DLG5: variants seen among roughly 807,000 people sequenced by gnomAD.
DLG5 encodes discs large MAGUK scaffold protein 5.
DLG5 carries 48 observed loss-of-function variants against 189.8 expected under a neutral mutation model. That is an observed-to-expected ratio of 0.25 (90% confidence interval 0.20 to 0.32). The LOEUF (loss-of-function observed/expected upper bound fraction) is 0.32, where lower values mean the gene tolerates loss of function less well. DLG5 is among the 10% of genes least tolerant of loss of function. DLG5 has a pLI of 1.00. For missense variants in DLG5, 2,160 were observed against 2,544.7 expected, an observed-to-expected ratio of 0.85 and a Z score of 3.25; for synonymous variants, 1,016 against 1,054.1, an observed-to-expected ratio of 0.96 and a Z score of 0.70.
chr10:77,934,371 CAAAAA>C, the DLG5 span, among the ~76,000 whole-genome samples: 13 of 96,312 alleles, frequency 1.3e-4, no homozygotes, highest in African/African-American at 4.2e-5. Flanking sequence ...AACTCCATCT[CAAAAA>C]AAAAAAAAAA....
chr10:77,905,765 T>A (rs1299805550), intron 1 of DLG5, among the ~76,000 whole-genome samples: 1 of 152,180 alleles, frequency 6.6e-6, no homozygotes, highest in Non-Finnish European at 1.5e-5. Context: ...ATTTATTTCC[T>A]CTTCTCTCTC....
chr10:77,922,676 G>A (rs1160446774), intron 1 of DLG5, among the ~76,000 whole-genome samples: 1 of 152,086 alleles, frequency 6.6e-6, no homozygotes, highest in Non-Finnish European at 1.5e-5. Flanking sequence ...TACAGACAGG[G>A]CCCTGGAACC....
In DLG5 at chr10:77,856,879, C is replaced by T. The variant is rs1844261181; in HGVS notation, c.387G>A (p.Lys129=). 1 of 1,611,226 alleles carries T rather than the reference C, an allele frequency of 6.2e-7. No homozygotes were observed. The highest frequency in any genetic ancestry group is 8.5e-7 in the Non-Finnish European group (1 of 1,179,522). ...TGAGGAGGGGTGGTGGGGACGGCGC[C>T]TTCCCGGTAGTGCCTGTGGAAGGGG... ...SSLSSVGTTG[K]APSPPPLLTD... is the part of the protein sequence containing the mutation. The change falls in exon 3 of 32, where the codon AAG becomes AAA. Residue 129 remains lysine, a synonymous_variant. Coordinates refer to ENST00000372391, the MANE Select transcript of DLG5 (RefSeq NM_004747.4).
intron 1 of DLG5, among the ~76,000 whole-genome samples, chr10:77,894,732 C>T (rs1417262174): frequency 6.6e-6 from 1 of 151,930 alleles, no homozygotes; most frequent in Non-Finnish European, 1.5e-5. Context: ...CCCAGCGTAC[C>T]CCTTCCCCAC....
chr10:77,820,956 G>C, intron 15 of DLG5, 126 bp downstream of exon 15: 2 of 1,325,108 alleles, frequency 1.5e-6, no homozygotes, highest in Non-Finnish European at 2.0e-6. Flanking sequence ...GAGTCCAACA[G>C]CAAAGGCAAA....
chr10:77,871,536 C>CTTTTTTTTTTTTTTTTTT lies in DLG5; in HGVS notation c.305-2357_305-2340dup, dbSNP rs34326711. On this transcript the variant is annotated intron_variant, in intron 1 of 31. Transcript: ENST00000372391. ...CTCAACAAAAACAATAAGCATCACACTTTTTTTTTTTTTTTTTTTTTTTTG... is the reference window on the plus strand; with the variant it reads ...CTCAACAAAAACAATAAGCATCACACTTTTTTTTTTTTTTTTTTTTTTTTTTTTTTTTTTTTTTTTTTG... Among the ~76,000 whole-genome samples, 2 of 83,886 alleles carry CTTTTTTTTTTTTTTTTTT rather than the reference C, an allele frequency of 2.4e-5. 1 individual carries two copies. The highest frequency in any genetic ancestry group is 4.2e-5 in the Non-Finnish European group (2 of 47,384). 55.0% of individuals were successfully genotyped at this position (83,886 alleles called of 152,430 possible). A position where few individuals can be genotyped will look rare whatever the true frequency, so the allele number is the denominator to read the frequency against.
rs1202128219 is a variant in DLG5, at chr10:77,824,703, A to G, written c.2290-227T>C. The G allele has an allele frequency of 6.5e-5, 32 of 492,094 alleles. No individual in the cohort carries two copies. The Middle Eastern group carries it at 3.2e-3, about 48-fold the overall frequency. 30.5% of individuals were successfully genotyped at this position (492,094 alleles called of 1,614,324 possible). A position where few individuals can be genotyped will look rare whatever the true frequency, so the allele number is the denominator to read the frequency against. ...AGCCTTCACAGCAGGCTAGGGGAGG[A>G]GCATGTCCTTCTGGGATCAGAACAC... is the stretch of plus-strand genomic sequence containing the variant. On this transcript the variant is annotated intron_variant, in intron 13 of 31. Transcript: ENST00000372391.
chr10:77,804,541 C>A (rs944164460), intron 27 of DLG5, among the ~76,000 whole-genome samples: 1 of 152,214 alleles, frequency 6.6e-6, no homozygotes, highest in African/African-American at 2.4e-5. Context: ...CTGCCACCCC[C>A]ACACCTGATT....
At position 77,833,954 on chromosome 10, in the gene DLG5, T is replaced by G; in HGVS notation, c.1708A>C (p.Lys570Gln). The G allele has an allele frequency of 6.2e-7, 1 of 1,606,932 alleles. No homozygotes were observed. Residue 570 changes from lysine to glutamine, a missense_variant, in exon 9 of 32, where the codon AAG becomes CAG. This residue lies in a region of DLG5 where 664 missense variants were observed against 838.5 expected (regional missense o/e 0.79). Coordinates refer to ENST00000372391, the MANE Select transcript of DLG5 (RefSeq NM_004747.4). ...EALRSLDDTRKQKNDVSRELK... is the reference protein window; with the variant it reads ...EALRSLDDTRQQKNDVSRELK... ...TCGCGGCTGACATCATTCTTCTGCT[T>G]GCGGGTGTCATCCAGGCTGCGCAGG... is the stretch of plus-strand genomic sequence containing the variant.
intron 9 of DLG5, among the ~76,000 whole-genome samples, chr10:77,831,340 A>G (rs1842887667): frequency 6.6e-6 from 1 of 152,176 alleles, no homozygotes; most frequent in Non-Finnish European, 1.5e-5. Context: ...CAGAGGTTGC[A>G]GGGAGTGGAG....
intron 7 of DLG5, among the ~76,000 whole-genome samples, chr10:77,838,784 C>T (rs770256045): frequency 1.1e-4 from 16 of 152,334 alleles, no homozygotes; most frequent in South Asian, 2.1e-4. Context: ...AGTGGGGTGG[C>T]GGGGCCAATC....
upstream of DLG5, chr10:77,926,814 C>A: frequency 5.8e-6 from 1 of 172,374 alleles, no homozygotes; most frequent in South Asian, 1.1e-4. This position sits in a 1 kb window ranked among gnomAD's most constrained non-coding sequence, Gnocchi z 5.2. Flanking sequence ...GGGACGGCGG[C>A]CGGGGCGCGC....
intron 2 of DLG5, among the ~76,000 whole-genome samples, chr10:77,863,340 C>A (rs1360765418): frequency 6.6e-6 from 1 of 152,158 alleles, no homozygotes; most frequent in Non-Finnish European, 1.5e-5. Flanking sequence ...CTCAAGCAAT[C>A]CTTCTGCCTT....
At chr10:77,810,723 G>A (rs867088385) in intron 23 of DLG5, among the ~76,000 whole-genome samples, 4 of 152,196 alleles carry the variant, frequency 2.6e-5, no homozygotes, top group Non-Finnish European at 5.9e-5. Context: ...GCACGTGCCC[G>A]GCACTGGTCT....
At chr10:77,830,155 G>T in intron 11 of DLG5, 62 bp downstream of exon 11, 1 of 1,604,042 alleles carries the variant, frequency 6.2e-7, no homozygotes, top group Non-Finnish European at 8.5e-7. Flanking sequence ...GCTCTCTTCG[G>T]GTCCTCTGCA....
intron 11 of DLG5, among the ~76,000 whole-genome samples, chr10:77,829,935 A>T (rs568081330): frequency 1.3e-5 from 2 of 152,356 alleles, no homozygotes; most frequent in South Asian, 4.1e-4. Flanking sequence ...TGAGCATGCC[A>T]TGTACATCCT....
intron 20 of DLG5, among the ~76,000 whole-genome samples, chr10:77,815,362 A>G (rs1457114981): frequency 6.6e-6 from 1 of 152,160 alleles, no homozygotes; most frequent in Non-Finnish European, 1.5e-5. Flanking sequence ...TTCAAGTCAA[A>G]TATAAGATTT....
At chr10:77,822,781 G>A (rs1183468758) in intron 14 of DLG5, among the ~76,000 whole-genome samples, 1 of 152,124 alleles carries the variant, frequency 6.6e-6, no homozygotes, top group African/African-American at 2.4e-5. Context: ...AAAAAGAACT[G>A]AAACAACGTG....
the DLG5 span, among the ~76,000 whole-genome samples, chr10:77,932,497 G>T: frequency 1.3e-5 from 2 of 152,156 alleles, no homozygotes; most frequent in Admixed American, 1.3e-4. Context: ...GGGAAGGAAA[G>T]TACCTCAAAA....
Sources: gnomAD v4.1 joint callset for allele counts (sites outside exome capture counted in the v4.1 genomes callset) on GRCh38, gnomAD v4.1.1 for gene constraint, gnomAD v4.1.1 regional missense constraint, Gnocchi (gnomAD v3.1) non-coding constraint, MANE v1.5 for transcripts, NCBI Gene and HGNC (gene_info 2026-07-23, HGNC 2026-07-21) for gene names.